GABRB2: variants seen among roughly 807,000 people sequenced by gnomAD.
The protein encoded by GABRB2 is gamma-aminobutyric acid receptor subunit beta-2.
GABRB2 carries 16 observed loss-of-function variants against 54.7 expected under a neutral mutation model. That is an observed-to-expected ratio of 0.29 (90% CI 0.20 to 0.44). GABRB2 has a LOEUF of 0.44. GABRB2 is among the 20% of genes least tolerant of loss of function. The pLI is 1.00. For synonymous variants in GABRB2, 244 were observed against 233.8 expected, an observed-to-expected ratio of 1.04 and a Z score of -0.40; for missense variants, 355 against 644.0, an observed-to-expected ratio of 0.55 and a Z score of 4.86.
intron 3 of GABRB2, among the ~76,000 whole-genome samples, chr5:161,483,804 T>C: frequency 6.6e-6 from 1 of 151,902 alleles, no homozygotes; most frequent in East Asian, 1.9e-4. Context: ...TTTATTTTCT[T>C]TTTCCAACCT....
intron 4 of GABRB2, among the ~76,000 whole-genome samples, chr5:161,428,905 A>G (rs1254664511): frequency 6.6e-6 from 1 of 152,218 alleles, no homozygotes; most frequent in East Asian, 1.9e-4. Flanking sequence ...ACATGGATAT[A>G]AAGACTAAAA....
At chr5:161,404,938 C>CT (rs1215253700) in intron 5 of GABRB2, among the ~76,000 whole-genome samples, 3 of 152,122 alleles carry the variant, frequency 2.0e-5, no homozygotes, top group African/African-American at 7.2e-5. Context: ...GAAATAATTC[C>CT]TTTATTCCCA....
At chr5:161,446,740 T>C (rs749866436) in intron 4 of GABRB2, among the ~76,000 whole-genome samples, 1 of 152,158 alleles carries the variant, frequency 6.6e-6, no homozygotes, top group Non-Finnish European at 1.5e-5. Context: ...AGTCATTAGT[T>C]GACTTATGAA....
chr5:161,343,724 C>A lies in GABRB2; in HGVS notation c.542-6955G>T, dbSNP rs566834344. Among the ~76,000 whole-genome samples, 5 of 152,192 alleles carry A rather than the reference C, an allele frequency of 3.3e-5. No homozygotes were observed. In the South Asian group the frequency reaches 1.0e-3, roughly 32 times the overall value. ...GCTATCAACTATAGAGCCCTATGTA[C>A]CAGGCACTGCCTTAAGCTCTTTATA... On this transcript the variant is annotated intron_variant, in intron 5 of 9. Coordinates refer to ENST00000393959, the MANE Select transcript of GABRB2 (RefSeq NM_001371727.1).
intron 3 of GABRB2, among the ~76,000 whole-genome samples, chr5:161,489,193 A>G (rs1197389094): frequency 6.6e-6 from 1 of 151,712 alleles, no homozygotes; most frequent in Non-Finnish European, 1.5e-5. Flanking sequence ...TACAGAGAAG[A>G]TCAGCCTAGT....
intron 3 of GABRB2, among the ~76,000 whole-genome samples, chr5:161,490,148 T>TA (rs1417067879): frequency 1.3e-5 from 2 of 151,902 alleles, no homozygotes; most frequent in African/African-American, 4.8e-5. Context: ...TACCTATACT[T>TA]ACTGTCTCTG....
intron 4 of GABRB2, among the ~76,000 whole-genome samples, chr5:161,429,458 G>T (rs772390365): frequency 1.4e-4 from 21 of 151,726 alleles, no homozygotes; most frequent in Non-Finnish European, 1.9e-4. Flanking sequence ...GTTAGGTGAT[G>T]AAAGATATAC....
intron 4 of GABRB2, among the ~76,000 whole-genome samples, chr5:161,436,525 G>T (rs4921391): frequency 0.42 from 62,512 of 147,630 alleles, 14,560 homozygotes; most frequent in African/African-American, 0.64. Context: ...AGAGCAAGAC[G>T]CTGTCGAAAA....
intron 5 of GABRB2, among the ~76,000 whole-genome samples, chr5:161,357,443 A>C (rs577912719): frequency 6.6e-6 from 1 of 152,126 alleles, no homozygotes; most frequent in Admixed American, 6.6e-5. Flanking sequence ...GTTGGCAGTC[A>C]CATAATACTC....
chr5:161,380,649 G>C (rs140469477), intron 5 of GABRB2, among the ~76,000 whole-genome samples: 1 of 152,034 alleles, frequency 6.6e-6, no homozygotes, highest in Admixed American at 6.6e-5. Flanking sequence ...AAAATCTGAC[G>C]TTTTAAAATT....
intron 3 of GABRB2, among the ~76,000 whole-genome samples, chr5:161,467,036 A>T (rs1344495222): frequency 6.6e-6 from 1 of 152,072 alleles, no homozygotes; most frequent in Non-Finnish European, 1.5e-5. Flanking sequence ...CTTATTTTTT[A>T]ATGATCAGAG....
intron 5 of GABRB2, among the ~76,000 whole-genome samples, chr5:161,359,927 A>G (rs540784540): frequency 2.4e-4 from 37 of 152,268 alleles, no homozygotes; most frequent in African/African-American, 8.7e-4. Context: ...CTAAAAATAC[A>G]GAAATTAGCT....
intron 3 of GABRB2, among the ~76,000 whole-genome samples, chr5:161,517,439 A>G (rs1317501265): frequency 6.6e-6 from 1 of 152,238 alleles, no homozygotes; most frequent in Admixed American, 6.5e-5. Context: ...AGTAATGATA[A>G]ATAACTACTG....
chr5:161,397,129 T>G (rs1387760541), intron 5 of GABRB2, among the ~76,000 whole-genome samples: 3 of 152,190 alleles, frequency 2.0e-5, no homozygotes, highest in Non-Finnish European at 4.4e-5. Context: ...ATCAAAAAAT[T>G]TTATCCTGTT....
chr5:161,334,520 CATT>C (rs1260949030), intron 7 of GABRB2, among the ~76,000 whole-genome samples: 1 of 152,168 alleles, frequency 6.6e-6, no homozygotes, highest in African/African-American at 2.4e-5. Flanking sequence ...GGACTAATCT[CATT>C]ATCAACAGAT....
chr5:161,414,756 C>A (rs1363701), intron 4 of GABRB2, among the ~76,000 whole-genome samples: 99,022 of 150,248 alleles, frequency 0.66, 33,462 homozygotes, highest in South Asian at 0.76. Flanking sequence ...AATAATAAAA[C>A]AAATATAACA....
At chr5:161,299,356 T>C (rs1457709445) in intron 9 of GABRB2, among the ~76,000 whole-genome samples, 1 of 152,170 alleles carries the variant, frequency 6.6e-6, no homozygotes, top group Non-Finnish European at 1.5e-5. Context: ...TCTGAGCCAA[T>C]GGCATGCCGT....
chr5:161,490,328 A>T (rs573697478), intron 3 of GABRB2, among the ~76,000 whole-genome samples: 93 of 151,828 alleles, frequency 6.1e-4, no homozygotes, highest in African/African-American at 2.0e-3. Flanking sequence ...AACATTTGAG[A>T]GTACCAGTTG....
At chr5:161,319,163 G>A (rs1367061397) in intron 9 of GABRB2, among the ~76,000 whole-genome samples, 2 of 149,012 alleles carry the variant, frequency 1.3e-5, no homozygotes, top group Non-Finnish European at 1.5e-5. Context: ...TGGTGATGGC[G>A]GGCATCCATT....
Sources: allele counts gnomAD v4.1 joint callset (sites outside exome capture counted in the v4.1 genomes callset), GRCh38; gene constraint gnomAD v4.1.1; transcripts MANE v1.5; gene names NCBI Gene and HGNC (gene_info 2026-07-23, HGNC 2026-07-21).